MTUS2: variants seen among roughly 807,000 people sequenced by gnomAD.
MTUS2 encodes microtubule-associated tumor suppressor candidate 2.
MTUS2 carries 40 observed loss-of-function variants against 114.1 expected under a neutral mutation model. That is an observed-to-expected ratio of 0.35 (90% confidence interval 0.27 to 0.46). MTUS2 has a LOEUF of 0.46. Among genes scored for constraint, MTUS2 ranks in the 20% least tolerant of loss-of-function variants. MTUS2 has a pLI of 1.00. For synonymous variants in MTUS2, 688 were observed against 672.0 expected (o/e 1.02, Z -0.37); for missense variants, 1,679 against 1,705.4 (o/e 0.98, Z 0.27).
intron 8 of MTUS2, among the ~76,000 whole-genome samples, chr13:29,422,577 G>A (rs914735713): frequency 2.7e-5 from 4 of 150,618 alleles, no homozygotes; most frequent in Admixed American, 6.6e-5. Flanking sequence ...AAAAATCACC[G>A]CAAACTTTTT....
intron 7 of MTUS2, among the ~76,000 whole-genome samples, chr13:29,332,870 C>T (rs558336378): frequency 3.3e-5 from 5 of 152,174 alleles, no homozygotes; most frequent in South Asian, 4.2e-4. Context: ...CTCCTGACCT[C>T]GTGATCTGCG....
intron 5 of MTUS2, among the ~76,000 whole-genome samples, chr13:29,226,584 AT>A (rs1164282318): frequency 6.6e-6 from 1 of 152,048 alleles, no homozygotes; most frequent in Non-Finnish European, 1.5e-5. Flanking sequence ...TTAGATAAAT[AT>A]TAATTTTTTT....
At chr13:29,197,888 C>T (rs896289663) in intron 5 of MTUS2, among the ~76,000 whole-genome samples, 2 of 152,162 alleles carry the variant, frequency 1.3e-5, no homozygotes, top group African/African-American at 4.8e-5. Flanking sequence ...ATATCCTTTG[C>T]CCATTTTTGA....
chr13:29,187,424 T>G (rs1028247819), intron 5 of MTUS2, among the ~76,000 whole-genome samples: 10 of 152,192 alleles, frequency 6.6e-5, no homozygotes, highest in Non-Finnish European at 1.3e-4. Flanking sequence ...ACATTACTAC[T>G]GACCTTAGAG....
intron 3 of MTUS2, among the ~76,000 whole-genome samples, chr13:29,031,265 T>TGTGTGTGTGTGTGTGTG (rs1435623089): frequency 6.7e-6 from 1 of 148,918 alleles, no homozygotes; most frequent in Non-Finnish European, 1.5e-5. Flanking sequence ...TGTGTGTGTG[T>TGTGTGTGTGTGTGTGTG]GTGTGGTGTG....
chr13:29,259,495 C>T (rs921648629), intron 5 of MTUS2, among the ~76,000 whole-genome samples: 5 of 152,150 alleles, frequency 3.3e-5, no homozygotes, highest in Non-Finnish European at 7.3e-5. Flanking sequence ...AAATTGCCCT[C>T]AGGAAAGGGA....
At chr13:29,164,895 C>G (rs921893714) in intron 5 of MTUS2, among the ~76,000 whole-genome samples, 3 of 152,040 alleles carry the variant, frequency 2.0e-5, no homozygotes, top group Non-Finnish European at 4.4e-5. Flanking sequence ...TGCCTAAGCA[C>G]TGAAATTATG....
chr13:28,828,633 C>G (rs1593227181), intron 1 of MTUS2, among the ~76,000 whole-genome samples: 1 of 151,940 alleles, frequency 6.6e-6, no homozygotes, highest in African/African-American at 2.4e-5. Context: ...GTTCGGGGTC[C>G]CTGACTTCCT....
At chr13:29,074,803 T>C (rs1255806202) in intron 4 of MTUS2, among the ~76,000 whole-genome samples, 1 of 152,228 alleles carries the variant, frequency 6.6e-6, no homozygotes, top group Non-Finnish European at 1.5e-5. Context: ...TCTAGGGCTC[T>C]CTCAGTGTCT....
chr13:29,030,961 A>G (rs1238143498), intron 3 of MTUS2, among the ~76,000 whole-genome samples: 1 of 152,144 alleles, frequency 6.6e-6, no homozygotes, highest in African/African-American at 2.4e-5. Flanking sequence ...AGTCATGTCC[A>G]GGTATTAAAT....
chr13:28,862,582 C>T lies in MTUS2; in HGVS notation c.-243+22732C>T, dbSNP rs1182321549. ...GAGCAGAGACTGTGCCACTGCACTC[C>T]GGCCTGGGCGCGGCAGAGCAAGACT... On this transcript the variant is annotated intron_variant, in intron 2 of 15. Coordinates refer to ENST00000612955, the MANE Select transcript of MTUS2 (RefSeq NM_001033602.4). 3.9e-5 allele frequency among the ~76,000 whole-genome samples: 6 copies of T among 152,290 alleles called. No homozygotes were observed. The South Asian group carries it at 8.3e-4, about 21-fold the overall frequency.
chr13:29,124,316 T>G (rs1191361119), intron 5 of MTUS2, among the ~76,000 whole-genome samples: 1 of 152,220 alleles, frequency 6.6e-6, no homozygotes, highest in Non-Finnish European at 1.5e-5. Flanking sequence ...TAATTGAATG[T>G]AAATTATTAC....
At chr13:28,888,909 G>A (rs1237668267) in intron 2 of MTUS2, among the ~76,000 whole-genome samples, 1 of 152,172 alleles carries the variant, frequency 6.6e-6, no homozygotes, top group Non-Finnish European at 1.5e-5. Context: ...CCAGGGCAAA[G>A]GGTAAGGGAC....
chr13:29,008,537 T>C (rs923761029), intron 2 of MTUS2, among the ~76,000 whole-genome samples: 1 of 152,222 alleles, frequency 6.6e-6, no homozygotes, highest in Non-Finnish European at 1.5e-5. Flanking sequence ...GCATATTCTT[T>C]AGAGGTTTGG....
chr13:28,930,897 A>G (rs558307087), intron 2 of MTUS2, among the ~76,000 whole-genome samples: 3 of 152,344 alleles, frequency 2.0e-5, no homozygotes, highest in African/African-American at 7.2e-5. Context: ...GGTAATTGCA[A>G]TAACTCCTAC....
intron 2 of MTUS2, among the ~76,000 whole-genome samples, chr13:28,857,910 G>C (rs1310539258): frequency 6.6e-6 from 1 of 152,152 alleles, no homozygotes; most frequent in Non-Finnish European, 1.5e-5. Flanking sequence ...CCTGAGTCCT[G>C]GACTGGGCAC....
intron 4 of MTUS2, among the ~76,000 whole-genome samples, chr13:29,074,625 A>G (rs1384966097): frequency 6.6e-6 from 1 of 152,068 alleles, no homozygotes; most frequent in African/African-American, 2.4e-5. Context: ...TTCATTTTCT[A>G]AGCTTCTGTG....
chr13:29,024,715 C>T lies in MTUS2; in HGVS notation c.17C>T (p.Ala6Val). ...GGGTTGACAATGAGCGTCCCAGTGG[C>T]TCCTAAGAAATCATGTTACACTCAG... MSVPV[A>V]PKKSCYTQLR... is the part of the protein sequence containing the mutation. Residue 6 changes from alanine to valine, a missense_variant, in exon 3 of 16, where the codon GCT becomes GTT. Physicochemically the swap from Ala to Val is moderately conservative, Grantham distance 64. This residue lies in a region of MTUS2 where 843 missense variants were observed against 770.8 expected (regional missense o/e 1.09). Transcript: ENST00000612955. 1.9e-6 allele frequency: 3 copies of T among 1,613,860 alleles called. No homozygotes were observed. Among genetic ancestry groups the T allele is most frequent in the Non-Finnish European group, 2.5e-6 (3 of 1,179,826 alleles).
chr13:29,470,044 T>C (rs984827189), intron 9 of MTUS2, among the ~76,000 whole-genome samples: 5 of 152,014 alleles, frequency 3.3e-5, no homozygotes, highest in African/African-American at 1.2e-4. Context: ...CATCCCAGAC[T>C]CCTAATGCCC....
Sources: allele counts gnomAD v4.1 joint callset (sites outside exome capture counted in the v4.1 genomes callset), GRCh38; gene constraint gnomAD v4.1.1; regional missense constraint gnomAD v4.1.1; transcripts MANE v1.5; gene names NCBI Gene and HGNC (gene_info 2026-07-23, HGNC 2026-07-21).